TMEM132C: variants seen among roughly 807,000 people sequenced by gnomAD.
TMEM132C encodes protein phosphatase 1, regulatory subunit 152.
TMEM132C carries 29 observed loss-of-function variants against 61.4 expected under a neutral mutation model. That is an observed-to-expected ratio of 0.47 (90% CI 0.35 to 0.64). The LOEUF (loss-of-function observed/expected upper bound fraction) is 0.64. Ranked by LOEUF, TMEM132C falls within the 30% of genes least tolerant of loss-of-function variation. TMEM132C has a pLI of 0.00. For synonymous variants in TMEM132C, 656 were observed against 633.1 expected (o/e 1.04, Z -0.54); for missense variants, 1,408 against 1,476.9 (o/e 0.95, Z 0.76).
intron 3 of TMEM132C, among the ~76,000 whole-genome samples, chr12:128,582,642 C>T (rs1875387458): frequency 6.6e-6 from 1 of 152,150 alleles, no homozygotes; most frequent in Non-Finnish European, 1.5e-5. Flanking sequence ...GGGGTTTCTG[C>T]TGTTGCATCT....
At chr12:128,329,634 A>T (rs1298136099) in intron 1 of TMEM132C, among the ~76,000 whole-genome samples, 1 of 152,116 alleles carries the variant, frequency 6.6e-6, no homozygotes, top group Non-Finnish European at 1.5e-5. Flanking sequence ...CCCCTTGATC[A>T]GAAGATGGTA....
At chr12:128,544,267 T>G (rs1379916269) in intron 3 of TMEM132C, among the ~76,000 whole-genome samples, 164 bp downstream of exon 3, 5 of 152,246 alleles carry the variant, frequency 3.3e-5, no homozygotes, top group Admixed American at 2.0e-4. Flanking sequence ...CAGGACCCTC[T>G]GCCTCTGCAG....
chr12:128,282,367 T>C (rs1246171425), intron 1 of TMEM132C, among the ~76,000 whole-genome samples: 2 of 152,232 alleles, frequency 1.3e-5, no homozygotes, highest in Non-Finnish European at 2.9e-5. Flanking sequence ...TCTGCATGGC[T>C]TGGGAGGCCT....
chr12:128,551,108 G>A lies in TMEM132C; in HGVS notation c.1121+7005G>A, dbSNP rs377432891. Among the ~76,000 whole-genome samples the A allele has an allele frequency of 9.2e-5, 14 of 152,174 alleles. No homozygotes were observed. The South Asian group carries it at 1.9e-3, about 20-fold the overall frequency. On this transcript the variant is annotated intron_variant, in intron 3 of 8. Coordinates refer to ENST00000435159, the MANE Select transcript of TMEM132C (RefSeq NM_001136103.3). Reference sequence around the variant, plus strand: ...CTTTCCAGTTTCTCCTGGTGCGTGGGGAGAAAGGAAACAACATCCTTAATC... The same window carrying A: ...CTTTCCAGTTTCTCCTGGTGCGTGGAGAGAAAGGAAACAACATCCTTAATC...
chr12:128,458,600 C>A (rs1282853331), intron 2 of TMEM132C, among the ~76,000 whole-genome samples: 1 of 152,026 alleles, frequency 6.6e-6, no homozygotes, highest in Non-Finnish European at 1.5e-5. Flanking sequence ...AGAAATGGGA[C>A]AGGAAGGGCT....
intron 3 of TMEM132C, among the ~76,000 whole-genome samples, chr12:128,609,717 A>T (rs1876564658): frequency 6.6e-6 from 1 of 152,132 alleles, no homozygotes; most frequent in Non-Finnish European, 1.5e-5. Context: ...CCTCTGTAAA[A>T]GGCCAGATTC....
intron 2 of TMEM132C, among the ~76,000 whole-genome samples, chr12:128,425,832 T>A (rs1869163925): frequency 2.0e-5 from 3 of 152,236 alleles, no homozygotes; most frequent in Admixed American, 2.0e-4. Flanking sequence ...CTAGGACATC[T>A]GTCTTTGAAT....
intron 4 of TMEM132C, among the ~76,000 whole-genome samples, chr12:128,659,244 C>G (rs1026165437): frequency 1.5e-4 from 23 of 152,180 alleles, no homozygotes; most frequent in African/African-American, 5.5e-4. Flanking sequence ...TAAAAACTTG[C>G]CATGGACAGG....
At chr12:128,673,021 T>C (rs10773562) in intron 5 of TMEM132C, among the ~76,000 whole-genome samples, 149,971 of 152,304 alleles carry the variant, frequency 0.98, 73,845 homozygotes, top group East Asian at 1. Flanking sequence ...CAGTTCCCAC[T>C]GGCTTATGCA....
intron 1 of TMEM132C, among the ~76,000 whole-genome samples, chr12:128,363,545 G>A (rs1435566151): frequency 6.6e-6 from 1 of 152,098 alleles, no homozygotes; most frequent in Non-Finnish European, 1.5e-5. Context: ...GGGGAGACGG[G>A]GAGAATAAGA....
intron 2 of TMEM132C, among the ~76,000 whole-genome samples, chr12:128,470,496 T>C (rs1454065098): frequency 2.0e-5 from 3 of 152,118 alleles, no homozygotes; most frequent in African/African-American, 7.2e-5. Context: ...TTTCCAACCA[T>C]TGCTAATTTG....
chr12:128,439,052 G>A (rs4882764), intron 2 of TMEM132C: 84,874 of 151,938 alleles, frequency 0.56, 24,156 homozygotes, highest in East Asian at 0.62. Flanking sequence ...CTCAGACACT[G>A]GGACCTTTTC....
intron 4 of TMEM132C, 101 bp downstream of exon 4, chr12:128,616,436 G>A (rs1876804741): frequency 3.3e-6 from 4 of 1,194,946 alleles, no homozygotes; most frequent in Non-Finnish European, 4.6e-6. Flanking sequence ...TGATTTTATG[G>A]AGTGTTTACT....
At chr12:128,582,723 T>C (rs533034753) in intron 3 of TMEM132C, among the ~76,000 whole-genome samples, 31 of 152,296 alleles carry the variant, frequency 2.0e-4, no homozygotes, top group Middle Eastern at 3.4e-3. Context: ...GAGGCCTCCC[T>C]AGCCATCTGG....
chr12:128,704,405 C>A (rs1023547614), intron 8 of TMEM132C, among the ~76,000 whole-genome samples: 1 of 152,180 alleles, frequency 6.6e-6, no homozygotes, highest in African/African-American at 2.4e-5. Context: ...AAGGGCAGCA[C>A]AATTGAACCG....
chr12:128,392,060 CTCTT>C (rs1197441837), intron 1 of TMEM132C, among the ~76,000 whole-genome samples: 1,449 of 67,330 alleles, frequency 0.022, 31 homozygotes, highest in African/African-American at 0.084. Flanking sequence ...CTGTCTCTCT[CTCTT>C]TCTCTCTCTC....
intron 5 of TMEM132C, among the ~76,000 whole-genome samples, chr12:128,686,163 AG>A (rs1954675253): frequency 6.6e-6 from 1 of 152,030 alleles, no homozygotes; most frequent in African/African-American, 2.4e-5. Context: ...TGTGTGTGAT[AG>A]GTGGGTAGTG....
chr12:128,426,382 A>C (rs547029557), intron 2 of TMEM132C, among the ~76,000 whole-genome samples: 5 of 152,306 alleles, frequency 3.3e-5, no homozygotes, highest in African/African-American at 1.2e-4. Context: ...TGGGCATAAT[A>C]AATCTGCAGG....
chr12:128,647,716 T>C (rs1395688451), intron 4 of TMEM132C, among the ~76,000 whole-genome samples: 93 of 138,550 alleles, frequency 6.7e-4, no homozygotes, highest in African/African-American at 2.2e-3. Flanking sequence ...ATCCCATCAG[T>C]GTTGGATGTG....
Sources: gnomAD v4.1 joint callset for allele counts (sites outside exome capture counted in the v4.1 genomes callset) on GRCh38, gnomAD v4.1.1 for gene constraint, MANE v1.5 for transcripts, NCBI Gene and HGNC (gene_info 2026-07-23, HGNC 2026-07-21) for gene names.